Variants in PSD3 observed in about 807,000 individuals in gnomAD.
The protein encoded by PSD3 is PH and SEC7 domain-containing protein 3.
A neutral mutation model predicts 105.5 loss-of-function variants in PSD3; 49 were observed. The observed-to-expected ratio is 0.46, with a 90% CI of 0.37 to 0.59. The LOEUF is 0.59. Ranked by LOEUF, PSD3 falls within the 20% of genes least tolerant of loss-of-function variation. The pLI is 0.00. For missense variants in PSD3, 1,561 were observed against 1,263.8 expected (o/e 1.24, Z -3.57); for synonymous variants, 557 against 457.8 (o/e 1.22, Z -2.77).
chr8:18,867,703 T>C lies in PSD3; in HGVS notation c.1605A>G (p.Lys535=). ...LNDASDSIYT[K]GTPEIAFWGS... is the part of the protein sequence containing the mutation. ...CCCAGAAAGCAATCTCCGGGGTGCC[T>C]TTCGTGTAGATGGAGTCGCTGGCAT... Residue 535 remains lysine (K), a synonymous_variant, in exon 4 of 16, where the codon AAA becomes AAG. Transcript: ENST00000327040. The C allele has an allele frequency of 1.9e-6, 3 of 1,613,462 alleles. No homozygotes were observed. Among genetic ancestry groups the C allele is most frequent in the South Asian group, 2.2e-5 (2 of 91,000 alleles).
At chr8:18,674,283 G>C (rs1799951649) in intron 9 of PSD3, among the ~76,000 whole-genome samples, 1 of 152,234 alleles carries the variant, frequency 6.6e-6, no homozygotes, top group African/African-American at 2.4e-5. Flanking sequence ...GGTAGCCAGT[G>C]GCCCCCAGTT....
intron 2 of PSD3, among the ~76,000 whole-genome samples, chr8:18,895,437 C>T (rs1454417994): frequency 6.6e-6 from 1 of 152,196 alleles, no homozygotes; most frequent in Non-Finnish European, 1.5e-5. Context: ...TTCTGAAAGT[C>T]TCATGCATTT....
At chr8:18,974,389 C>A (rs551256516) in intron 1 of PSD3, among the ~76,000 whole-genome samples, 10 of 76,354 alleles carry the variant, frequency 1.3e-4, no homozygotes, top group East Asian at 8.2e-4. Flanking sequence ...ATCTGATAGA[C>A]TTCAAAATCC....
At chr8:18,744,371 T>C (rs537999548) in intron 9 of PSD3, among the ~76,000 whole-genome samples, 3 of 152,318 alleles carry the variant, frequency 2.0e-5, no homozygotes, top group South Asian at 4.1e-4. Flanking sequence ...AAAGAAGCTA[T>C]ACTCTTAACC....
rs1424523309 is a variant in PSD3 at position 18,527,720 on chromosome 8, A to G, written c.*8023T>C. On this transcript the variant is annotated 3_prime_UTR_variant, in exon 16 of 16. Transcript: ENST00000327040. ...CACAAATTACTGTTCCTTTCAAAAG[A>G]AGACCACCACAAACGCCATCGTTTT... The G allele has an allele frequency of 2.6e-5, 4 of 152,668 alleles. No individual in the cohort carries two copies. Among genetic ancestry groups the G allele is most frequent in the Admixed American group, 1.3e-4 (2 of 15,286 alleles). 9.5% of individuals were successfully genotyped at this position (152,668 alleles called of 1,614,324 possible).
intron 1 of PSD3, among the ~76,000 whole-genome samples, chr8:19,054,498 C>T (rs1828642631): frequency 6.6e-6 from 1 of 152,054 alleles, no homozygotes; most frequent in Non-Finnish European, 1.5e-5. Context: ...ATGATATTCC[C>T]AGAGCTCTAT....
intron 2 of PSD3, among the ~76,000 whole-genome samples, chr8:18,920,125 T>C (rs2129466988): frequency 6.6e-6 from 1 of 152,042 alleles, no homozygotes; most frequent in South Asian, 2.1e-4. Context: ...AATGATCATT[T>C]CCAAAACTTC....
chr8:18,959,544 G>A (rs544464731), intron 1 of PSD3, among the ~76,000 whole-genome samples: 6 of 151,746 alleles, frequency 4.0e-5, no homozygotes, highest in East Asian at 2.0e-4. Context: ...ACTAAGCAAC[G>A]GTGCTCATCT....
chr8:18,600,443 G>C lies in PSD3; in HGVS notation c.2411-9C>G. 1.9e-6 allele frequency: 3 copies of C among 1,585,962 alleles called. No homozygotes were observed. Among genetic ancestry groups the C allele is most frequent in the Non-Finnish European group, 2.6e-6 (3 of 1,165,366 alleles). On this transcript the variant is annotated splice_polypyrimidine_tract_variant and intron_variant, in intron 11 of 15. Transcript: ENST00000327040. ...TCGTTTTCCTCTTGGAGCTAGAAAG[G>C]GGGAAAAAATGTAAAATTTTATTTG...
chr8:18,715,480 G>A (rs959306320), intron 9 of PSD3, among the ~76,000 whole-genome samples: 1 of 152,132 alleles, frequency 6.6e-6, no homozygotes, highest in African/African-American at 2.4e-5. Flanking sequence ...TTATTAAAGA[G>A]TAAGTGCTCT....
At chr8:18,650,247 A>T (rs1035288507) in intron 10 of PSD3, among the ~76,000 whole-genome samples, 1 of 152,234 alleles carries the variant, frequency 6.6e-6, no homozygotes, top group African/African-American at 2.4e-5. Flanking sequence ...CATAAGATAT[A>T]AACTCCCATA....
At chr8:18,699,929 A>T (rs1801477318) in intron 9 of PSD3, among the ~76,000 whole-genome samples, 1 of 152,090 alleles carries the variant, frequency 6.6e-6, no homozygotes, top group South Asian at 2.1e-4. Context: ...TTCTTTACTA[A>T]GCCCATTGGC....
intron 1 of PSD3, among the ~76,000 whole-genome samples, chr8:18,965,086 AT>A (rs1301811666): frequency 5.9e-5 from 9 of 152,218 alleles, no homozygotes; most frequent in African/African-American, 2.2e-4. Context: ...ACAATTAAGC[AT>A]TATACTTCAC....
At chr8:18,924,848 C>CA (rs1821261651) in intron 2 of PSD3, 1 of 152,110 alleles carries the variant, frequency 6.6e-6, no homozygotes, top group African/African-American at 2.4e-5. Context: ...GGGCCACAGA[C>CA]ATAAAGGTAA....
intron 9 of PSD3, among the ~76,000 whole-genome samples, chr8:18,663,919 T>C (rs1452769684): frequency 6.6e-6 from 1 of 152,214 alleles, no homozygotes; most frequent in Non-Finnish European, 1.5e-5. Context: ...ATTTTGACAA[T>C]TCTCACAATT....
At chr8:19,026,935 T>C (rs1827577275) in intron 1 of PSD3, among the ~76,000 whole-genome samples, 1 of 124,536 alleles carries the variant, frequency 8.0e-6, no homozygotes, top group African/African-American at 2.5e-5. Flanking sequence ...AATGAATGAG[T>C]GAGTGAAAGA....
intron 9 of PSD3, chr8:18,684,111 T>C: frequency 3.7e-6 from 2 of 536,982 alleles, no homozygotes; most frequent in East Asian, 3.1e-5. Flanking sequence ...ACTACCCTGT[T>C]TGCAGCGAGT....
At chr8:18,714,833 A>T (rs1355104794) in intron 9 of PSD3, among the ~76,000 whole-genome samples, 1 of 152,252 alleles carries the variant, frequency 6.6e-6, no homozygotes, top group Non-Finnish European at 1.5e-5. Context: ...ATGCACGTGT[A>T]TGTTCACTGG....
chr8:18,711,057 G>T (rs567470250), intron 9 of PSD3, among the ~76,000 whole-genome samples: 57 of 152,206 alleles, frequency 3.7e-4, no homozygotes, highest in African/African-American at 1.4e-3. Context: ...GAGTGAAGGG[G>T]AAATAAAATC....
Sources: gnomAD v4.1 joint callset for allele counts (sites outside exome capture counted in the v4.1 genomes callset) on GRCh38, gnomAD v4.1.1 for gene constraint, MANE v1.5 for transcripts, NCBI Gene and HGNC (gene_info 2026-07-23, HGNC 2026-07-21) for gene names.